CNTN5: variants seen among roughly 807,000 people sequenced by gnomAD.
The protein encoded by CNTN5 is contactin-5.
Under a neutral mutation model 129.1 loss-of-function variants are expected in CNTN5, and 77 were observed. The observed-to-expected ratio is 0.60, with a 90% CI of 0.50 to 0.72. The LOEUF is 0.72. CNTN5 is among the 30% of genes least tolerant of loss of function. The pLI is 0.00. For missense variants in CNTN5, 1,478 were observed against 1,328.8 expected (o/e 1.11, Z -1.75); for synonymous variants, 509 against 465.6 (o/e 1.09, Z -1.20).
chr11:100,164,160 A>G (rs1477844627), intron 13 of CNTN5, among the ~76,000 whole-genome samples: 1 of 151,826 alleles, frequency 6.6e-6, no homozygotes. Context: ...TGAGAGACTA[A>G]GTTTTCATGA....
intron 9 of CNTN5, among the ~76,000 whole-genome samples, chr11:100,037,014 G>C (rs1942056291): frequency 6.6e-6 from 1 of 151,868 alleles, no homozygotes; most frequent in Non-Finnish European, 1.5e-5. Context: ...TGTTGAATAG[G>C]AGTGGTGAGA....
At chr11:99,671,490 A>T (rs538916871) in intron 3 of CNTN5, among the ~76,000 whole-genome samples, 2 of 152,262 alleles carry the variant, frequency 1.3e-5, no homozygotes, top group South Asian at 4.1e-4. Flanking sequence ...AGTGAAACAC[A>T]TGCAAATAGC....
intron 3 of CNTN5, among the ~76,000 whole-genome samples, chr11:99,811,144 A>G (rs1432223826): frequency 2.0e-5 from 3 of 152,098 alleles, no homozygotes; most frequent in African/African-American, 7.2e-5. Context: ...AGTAAAACTT[A>G]ACAGCATTGT....
chr11:99,177,646 C>T (rs1295239959), intron 1 of CNTN5, among the ~76,000 whole-genome samples: 1 of 152,088 alleles, frequency 6.6e-6, no homozygotes, highest in African/African-American at 2.4e-5. Context: ...TGAAGAGGAG[C>T]TCTGGTAAGT....
At position 99,937,529 on chromosome 11, in the gene CNTN5, G is replaced by A. The variant is rs117924165; in HGVS notation, c.674-19277G>A. 3.0e-3 allele frequency among the ~76,000 whole-genome samples: 464 copies of A among 152,296 alleles called. 6 individuals are homozygous for A. Among genetic ancestry groups the A allele is most frequent in the East Asian group, 0.02 (106 of 5,178 alleles). On this transcript the variant is annotated intron_variant, in intron 7 of 24. Transcript: ENST00000524871. ...CCAGCGGTGACAGGGCTGTGCTTCG[G>A]AGATGTGTGTGCTCAGGCTGCGGTT...
chr11:99,876,378 C>T (rs557757641), intron 6 of CNTN5, among the ~76,000 whole-genome samples: 1 of 152,256 alleles, frequency 6.6e-6, no homozygotes, highest in South Asian at 2.1e-4. Context: ...ATGTTCTAGT[C>T]TTGATCCCAG....
chr11:99,530,485 G>T (rs1271202012), intron 2 of CNTN5, among the ~76,000 whole-genome samples: 1 of 152,176 alleles, frequency 6.6e-6, no homozygotes, highest in Non-Finnish European at 1.5e-5. Flanking sequence ...TACAAGAAAA[G>T]ATAAGCCAAA....
intron 1 of CNTN5, among the ~76,000 whole-genome samples, chr11:99,191,925 A>G (rs1321499942): frequency 6.6e-6 from 1 of 151,798 alleles, no homozygotes; most frequent in Non-Finnish European, 1.5e-5. Flanking sequence ...AGTTAAGCCC[A>G]AAGTTAGATG....
At chr11:99,651,384 A>C (rs1045400793) in intron 3 of CNTN5, among the ~76,000 whole-genome samples, 2 of 151,952 alleles carry the variant, frequency 1.3e-5, no homozygotes, top group African/African-American at 4.8e-5. Context: ...TTCTAAAGGA[A>C]CAATATCTTC....
At chr11:99,818,585 C>T (rs1306209201) in intron 3 of CNTN5, among the ~76,000 whole-genome samples, 2 of 152,142 alleles carry the variant, frequency 1.3e-5, no homozygotes, top group East Asian at 1.9e-4. Context: ...GAAGTATTTC[C>T]AAGATCAGCA....
intron 6 of CNTN5, among the ~76,000 whole-genome samples, chr11:99,854,649 G>C (rs1565608318): frequency 6.6e-6 from 1 of 152,150 alleles, no homozygotes; most frequent in Admixed American, 6.5e-5. Flanking sequence ...AGGAATGTAG[G>C]TTTCTGGGAG....
intron 13 of CNTN5, among the ~76,000 whole-genome samples, chr11:100,106,015 C>T (rs779077312): frequency 5.9e-5 from 9 of 152,060 alleles, no homozygotes; most frequent in Non-Finnish European, 1.2e-4. Context: ...AAAAGTTAGC[C>T]CTCAGATCAT....
At chr11:99,156,235 G>A (rs975289072) in intron 1 of CNTN5, among the ~76,000 whole-genome samples, 6 of 152,018 alleles carry the variant, frequency 3.9e-5, no homozygotes, top group Non-Finnish European at 7.4e-5. Flanking sequence ...GATTAAGAAT[G>A]TGCAAGAGAA....
rs144199324 is a variant in CNTN5 at position 100,091,498 on chromosome 11, G to A, written c.1580+17204G>A. On this transcript the variant is annotated intron_variant, in intron 13 of 24. Coordinates refer to ENST00000524871, the MANE Select transcript of CNTN5 (RefSeq NM_014361.4). Reference sequence around the variant, plus strand: ...GGCTAGAGCGTACTGGTGTAATCTCGGCTCACTGCAAACTCCGCCTCCTGG... The same window carrying A: ...GGCTAGAGCGTACTGGTGTAATCTCAGCTCACTGCAAACTCCGCCTCCTGG... Among the ~76,000 whole-genome samples, 354 of 139,698 alleles carry A rather than the reference G, an allele frequency of 2.5e-3. 2 individuals carry two copies. The highest frequency in any genetic ancestry group is 8.4e-3 in the East Asian group (40 of 4,788). The allele number at this position is 139,698 out of a possible 152,430, so 91.6% of individuals were successfully genotyped here.
chr11:99,453,650 C>T (rs1944391460), intron 2 of CNTN5, among the ~76,000 whole-genome samples: 1 of 152,006 alleles, frequency 6.6e-6, no homozygotes, highest in Non-Finnish European at 1.5e-5. Context: ...GCAACAAAAC[C>T]TTGAAAATTA....
intron 1 of CNTN5, among the ~76,000 whole-genome samples, chr11:99,141,665 C>T: frequency 6.6e-6 from 1 of 152,044 alleles, no homozygotes; most frequent in East Asian, 1.9e-4. Flanking sequence ...CACTGCTTTC[C>T]TGTGTCGCAG....
intron 3 of CNTN5, among the ~76,000 whole-genome samples, chr11:99,598,808 A>G (rs1385227463): frequency 6.6e-6 from 1 of 152,034 alleles, no homozygotes; most frequent in Non-Finnish European, 1.5e-5. Context: ...CTTTTACAGT[A>G]GGGAATAATT....
chr11:99,059,523 T>C (rs1481917649), intron 1 of CNTN5, among the ~76,000 whole-genome samples: 1 of 152,280 alleles, frequency 6.6e-6, no homozygotes, highest in East Asian at 1.9e-4. Context: ...GAATGAACAA[T>C]AGGTTTTCTT....
intron 3 of CNTN5, among the ~76,000 whole-genome samples, chr11:99,748,441 C>T (rs147573028): frequency 3.4e-4 from 51 of 151,652 alleles, no homozygotes; most frequent in African/African-American, 1.1e-3. Flanking sequence ...AGAGAGACAG[C>T]GTGTTAAAAA....
Sources: allele counts gnomAD v4.1 joint callset (sites outside exome capture counted in the v4.1 genomes callset), GRCh38; gene constraint gnomAD v4.1.1; transcripts MANE v1.5; gene names NCBI Gene and HGNC (gene_info 2026-07-23, HGNC 2026-07-21).